KCNH5: variants seen among roughly 807,000 people sequenced by gnomAD.
The protein encoded by KCNH5 is voltage-gated delayed rectifier potassium channel KCNH5.
KCNH5 carries 46 observed loss-of-function variants against 96.1 expected under a neutral mutation model. The ratio of observed to expected loss-of-function variants is 0.48; its 90% confidence interval spans 0.38 to 0.61. The LOEUF is 0.61. KCNH5 is among the 20% of genes least tolerant of loss of function. The pLI is 0.00. For missense variants in KCNH5, 907 were observed against 1,225.8 expected (o/e 0.74, Z 3.88); for synonymous variants, 439 against 449.8 (o/e 0.98, Z 0.30).
intron 8 of KCNH5, among the ~76,000 whole-genome samples, chr14:62,838,197 G>A (rs1014547656): frequency 3.9e-5 from 6 of 152,144 alleles, no homozygotes; most frequent in African/African-American, 1.4e-4. Flanking sequence ...CTGAGACTAA[G>A]TCTGATTGGT....
rs752798108 is a variant in KCNH5 at position 62,980,881 on chromosome 14, A to T, written c.933T>A (p.Asn311Lys). Reference protein sequence around the residue: ...LPYDIINAFENVDEGISSLFS... With the variant: ...LPYDIINAFEKVDEGISSLFS... ...AAAACGAAAAACTTACCTCATCCAC[A>T]TTTTCAAAGGCATTGATGATGTCAT... is the stretch of plus-strand genomic sequence containing the variant. The change falls in exon 6 of 11, where the codon AAT becomes AAA. Residue 311 changes from asparagine to lysine, a missense_variant. Asn to Lys is a moderately conservative substitution (Grantham distance 94, BLOSUM62 0). Transcript: ENST00000322893. The T allele has an allele frequency of 1.2e-5, 20 of 1,613,150 alleles. No individual in the cohort carries two copies. The highest frequency in any genetic ancestry group is 1.0e-5 in the Non-Finnish European group (12 of 1,179,872).
At chr14:62,741,298 T>C (rs1235770126) in intron 10 of KCNH5, among the ~76,000 whole-genome samples, 1 of 152,160 alleles carries the variant, frequency 6.6e-6, no homozygotes, top group Non-Finnish European at 1.5e-5. Context: ...ACTTAATCAA[T>C]AGGCTGGTTT....
Position 62,898,010 on chromosome 14 carries a change from T to C in KCNH5, c.1370-48158A>G, listed in dbSNP as rs1888850105. Among the ~76,000 whole-genome samples, 7 of 152,294 alleles carry C rather than the reference T, an allele frequency of 4.6e-5. 1 individual carries two copies. The South Asian group carries it at 1.5e-3, about 32-fold the overall frequency. ...CTCATGAGTATAATTGGATGCTGAG[T>C]CAATGAGCCAGCAAGTATTTATTAA... On this transcript the variant is annotated intron_variant, in intron 7 of 10. Coordinates refer to ENST00000322893, the MANE Select transcript of KCNH5 (RefSeq NM_139318.5).
chr14:62,843,372 C>A (rs999469208), intron 8 of KCNH5, among the ~76,000 whole-genome samples: 4 of 143,322 alleles, frequency 2.8e-5, no homozygotes, highest in African/African-American at 1.0e-4. Flanking sequence ...ACCAATTCAG[C>A]TTTATTTTAT....
intron 8 of KCNH5, among the ~76,000 whole-genome samples, chr14:62,822,668 G>GAAAAA (rs60393982): frequency 7.4e-6 from 1 of 135,560 alleles, no homozygotes; most frequent in African/African-American, 2.6e-5. Flanking sequence ...TACGTAAAAT[G>GAAAAA]AAAAAAAAAA....
chr14:62,936,684 A>G (rs1371632710), intron 7 of KCNH5, among the ~76,000 whole-genome samples: 1 of 150,498 alleles, frequency 6.6e-6, no homozygotes, highest in Non-Finnish European at 1.5e-5. Context: ...CAAAAAAAAA[A>G]AAAAAAAAAA....
chr14:63,043,545 T>C (rs1047773266), intron 1 of KCNH5, among the ~76,000 whole-genome samples: 2 of 152,200 alleles, frequency 1.3e-5, no homozygotes, highest in Non-Finnish European at 2.9e-5. Context: ...TATGAATTTA[T>C]ATAACTAAAA....
intron 7 of KCNH5, among the ~76,000 whole-genome samples, chr14:62,949,246 T>C (rs1447831335): frequency 6.6e-6 from 1 of 152,230 alleles, no homozygotes; most frequent in Admixed American, 6.5e-5. Context: ...GACATGATTG[T>C]ATATCTAGAA....
At chr14:62,746,617 T>C (rs1387397421) in intron 10 of KCNH5, among the ~76,000 whole-genome samples, 1 of 152,226 alleles carries the variant, frequency 6.6e-6, no homozygotes, top group Non-Finnish European at 1.5e-5. Context: ...CTTTCTCTAA[T>C]TCATGAGCTG....
chr14:63,032,151 G>A (rs1181080779), intron 1 of KCNH5, among the ~76,000 whole-genome samples: 1 of 151,108 alleles, frequency 6.6e-6, no homozygotes, highest in African/African-American at 2.4e-5. Context: ...CAAGATCCAG[G>A]ACGGCATGTG....
At chr14:62,875,935 G>A (rs752784220) in intron 7 of KCNH5, among the ~76,000 whole-genome samples, 3 of 152,194 alleles carry the variant, frequency 2.0e-5, no homozygotes, top group African/African-American at 4.8e-5. Context: ...TTGGGAGGCC[G>A]AGGCAGGCAA....
intron 10 of KCNH5, among the ~76,000 whole-genome samples, chr14:62,767,055 A>C (rs1885876298): frequency 6.7e-6 from 1 of 149,718 alleles, no homozygotes; most frequent in African/African-American, 2.6e-5. Context: ...ACATGCAGCC[A>C]ACAAGCATAT....
intron 7 of KCNH5, among the ~76,000 whole-genome samples, chr14:62,878,018 A>C (rs1186701434): frequency 5.9e-5 from 9 of 152,068 alleles, no homozygotes; most frequent in African/African-American, 2.2e-4. Flanking sequence ...TGCAGCCATA[A>C]AAAATGATGA....
intron 2 of KCNH5, among the ~76,000 whole-genome samples, chr14:63,011,854 C>T (rs1891234972): frequency 6.6e-6 from 1 of 152,142 alleles, no homozygotes; most frequent in South Asian, 2.1e-4. Flanking sequence ...CATAAAACTG[C>T]TGTGAAATCT....
chr14:62,822,158 T>A (rs1887128675), intron 8 of KCNH5, among the ~76,000 whole-genome samples: 1 of 152,146 alleles, frequency 6.6e-6, no homozygotes, highest in Admixed American at 6.6e-5. Context: ...ACCATGTTAA[T>A]AAATTGGAAG....
chr14:63,005,898 A>T (rs1264776478), intron 3 of KCNH5, among the ~76,000 whole-genome samples: 1 of 152,196 alleles, frequency 6.6e-6, no homozygotes, highest in Non-Finnish European at 1.5e-5. Flanking sequence ...CTCACAAAAG[A>T]GTCTGAGGCT....
intron 7 of KCNH5, among the ~76,000 whole-genome samples, chr14:62,872,238 C>T (rs1333448192): frequency 4.6e-5 from 7 of 152,124 alleles, no homozygotes. Flanking sequence ...ATGCCCAATG[C>T]TGGTGGTTTT....
chr14:62,904,474 ACACATG>A (rs1360958104), intron 7 of KCNH5, among the ~76,000 whole-genome samples: 1 of 152,080 alleles, frequency 6.6e-6, no homozygotes, highest in East Asian at 1.9e-4. Flanking sequence ...AATCCCACAT[ACACATG>A]CCCCTACCTC....
At chr14:62,795,561 C>G (rs904858762) in intron 9 of KCNH5, among the ~76,000 whole-genome samples, 21 of 152,132 alleles carry the variant, frequency 1.4e-4, no homozygotes, top group Non-Finnish European at 2.8e-4. Flanking sequence ...CACCATTTTA[C>G]GTAAGGGACT....
Sources: allele counts gnomAD v4.1 joint callset (sites outside exome capture counted in the v4.1 genomes callset), GRCh38; gene constraint gnomAD v4.1.1; transcripts MANE v1.5; gene names NCBI Gene and HGNC (gene_info 2026-07-23, HGNC 2026-07-21).